The following HID1 variants were observed in gnomAD, a reference collection of about 807,000 sequenced individuals.
HID1 encodes HID1 domain containing.
In HID1, 42 loss-of-function variants were observed where a neutral mutation model predicts 89.7. The ratio of observed to expected loss-of-function variants is 0.47; its 90% CI spans 0.37 to 0.61. The LOEUF (loss-of-function observed/expected upper bound fraction) is 0.61. Ranked by LOEUF, HID1 falls within the 20% of genes least tolerant of loss-of-function variation. HID1 has a pLI of 0.00. For synonymous variants in HID1, 442 were observed against 433.8 expected, an observed-to-expected ratio of 1.02 and a Z score of -0.24; for missense variants, 854 against 1,039.3, an observed-to-expected ratio of 0.82 and a Z score of 2.45.
At chr17:74,964,122 G>T in intron 2 of HID1, 1 of 606,382 alleles carries the variant, frequency 1.6e-6, no homozygotes, top group Non-Finnish European at 2.9e-6. Context: ...GCAGCTTGGA[G>T]CATCAGGACA....
At chr17:74,960,744 T>A (rs1283775380) in intron 6 of HID1, among the ~76,000 whole-genome samples, 1 of 152,164 alleles carries the variant, frequency 6.6e-6, no homozygotes, top group Non-Finnish European at 1.5e-5. Context: ...GGCTCCCTTC[T>A]CTTCTGGAGT....
chr17:74,972,334 A>G lies in HID1; in HGVS notation c.66+257T>C, dbSNP rs2039661562. ...TGTCGCCGGCTCGGGGAGTAGGCAC[A>G]CGTCAGCCTAAGGTGGCAGCAGCGG... On this transcript the variant is annotated intron_variant, in intron 1 of 18. Coordinates refer to ENST00000425042, the MANE Select transcript of HID1 (RefSeq NM_030630.3). This position sits in a 1 kb window ranked among gnomAD's most constrained non-coding sequence, Gnocchi z 6.4. 6.6e-6 allele frequency among the ~76,000 whole-genome samples: 1 copy of G among 152,056 alleles called. No homozygotes were observed. Among genetic ancestry groups the G allele is most frequent in the Non-Finnish European group, 1.5e-5 (1 of 67,982 alleles).
At position 74,972,662 on chromosome 17, in the gene HID1, T is replaced by C; in HGVS notation, c.-6A>G. The C allele has an allele frequency of 2.6e-6, 4 of 1,540,682 alleles. No individual in the cohort carries two copies. Among genetic ancestry groups the C allele is most frequent in the Non-Finnish European group, 3.5e-6 (4 of 1,142,130 alleles). ...TTGGAGTCGGTCGACCCCATGTCTC[T>C]GGAGCCCGCTCCGGCCCGGCCCCCG... On this transcript the variant is annotated 5_prime_UTR_variant, in exon 1 of 19. Transcript: ENST00000425042. The surrounding 1 kb of genome is among the most constrained non-coding windows in gnomAD (Gnocchi z 6.4).
chr17:74,953,294 C>T (rs2039335315), intron 15 of HID1, among the ~76,000 whole-genome samples: 1 of 152,200 alleles, frequency 6.6e-6, no homozygotes, highest in African/African-American at 2.4e-5. Flanking sequence ...TAAAGGCCAG[C>T]TCAGATAAGG....
In HID1 at chr17:74,958,469, C is replaced by G; in HGVS notation, c.1250G>C (p.Gly417Ala). 1 of 1,594,258 alleles carries G rather than the reference C, an allele frequency of 6.3e-7. No homozygotes were observed. Among genetic ancestry groups the G allele is most frequent in the African/African-American group, 1.3e-5 (1 of 74,676 alleles). Residue 417 changes from glycine to alanine, a missense_variant, in exon 11 of 19, where the codon GGC becomes GCC. Physicochemically the swap from Gly to Ala is moderately conservative, Grantham distance 60. Coordinates refer to ENST00000425042, the MANE Select transcript of HID1 (RefSeq NM_030630.3). This position sits in a 1 kb window ranked among gnomAD's most constrained non-coding sequence, Gnocchi z 5.2. ...NDARADQSRV[G>A]LMHIGVFILL... ...GATGAAGACACCAATGTGCATCAGG[C>G]CCACCCGAGCTGCGGCAGGTGGCGT...
In HID1 at chr17:74,958,493, G is replaced by T; in HGVS notation, c.1241-15C>A. The T allele has an allele frequency of 6.3e-7, 1 of 1,582,748 alleles. No homozygotes were observed. The highest frequency in any genetic ancestry group is 8.6e-7 in the Non-Finnish European group (1 of 1,164,700). On this transcript the variant is annotated splice_polypyrimidine_tract_variant and intron_variant, in intron 10 of 18. Transcript: ENST00000425042. This position sits in a 1 kb window ranked among gnomAD's most constrained non-coding sequence, Gnocchi z 5.2. Reference sequence around the variant, plus strand: ...GCCCACCCGAGCTGCGGCAGGTGGCGTGGGAGGGGTCACTCGGGTGGGAGG... The same window carrying T: ...GCCCACCCGAGCTGCGGCAGGTGGCTTGGGAGGGGTCACTCGGGTGGGAGG...
intron 13 of HID1, 147 bp downstream of exon 13, chr17:74,955,641 CTCAA>C: frequency 1.5e-6 from 1 of 677,920 alleles, no homozygotes; most frequent in South Asian, 1.9e-5. Context: ...ACTGTAGATG[CTCAA>C]TAAATGTACA....
intron 1 of HID1, among the ~76,000 whole-genome samples, chr17:74,965,604 C>T (rs984363959): frequency 2.0e-5 from 3 of 152,184 alleles, no homozygotes; most frequent in Non-Finnish European, 4.4e-5. Flanking sequence ...TCCATTCCCA[C>T]GGAGGCAACA....
rs2039654418 is a variant in HID1 at position 74,972,001 on chromosome 17, C to A, written c.66+590G>T. On this transcript the variant is annotated intron_variant, in intron 1 of 18. Coordinates refer to ENST00000425042, the MANE Select transcript of HID1 (RefSeq NM_030630.3). The surrounding 1 kb of genome is among the most constrained non-coding windows in gnomAD (Gnocchi z 6.4). The stretch of plus-strand genomic sequence containing the variant: ...GTGCTCAGTAGGCCTGGGGACAGGG[C>A]CCCCCACCAGGCTGCCTCGCTGCCC... Among the ~76,000 whole-genome samples, 1 of 152,098 alleles carries A rather than the reference C, an allele frequency of 6.6e-6. No homozygotes were observed. The highest frequency in any genetic ancestry group is 1.5e-5 in the Non-Finnish European group (1 of 67,996).
At chr17:74,961,695 T>C (rs569978512) in intron 6 of HID1, 178 bp downstream of exon 6, 15 of 378,908 alleles carry the variant, frequency 4.0e-5, no homozygotes, top group East Asian at 3.5e-4. Context: ...GATTCTGTCC[T>C]GTCGAGGACT....
chr17:74,956,652 C>T (rs1456556522), intron 12 of HID1, among the ~76,000 whole-genome samples: 1 of 152,196 alleles, frequency 6.6e-6, no homozygotes, highest in African/African-American at 2.4e-5. Context: ...AGCTAGAGGC[C>T]TCTACCACCG....
In HID1 at chr17:74,958,611, A is replaced by G; in HGVS notation, c.1240+62T>C. ...TGAGCTCCTGGGAGTCAGGGCAGAT[A>G]GCCAGCCCTCCACCTCGCCGCCAGG... On this transcript the variant is annotated intron_variant, in intron 10 of 18. Transcript: ENST00000425042. The surrounding 1 kb of genome is among the most constrained non-coding windows in gnomAD (Gnocchi z 5.2). 6.3e-7 allele frequency: 1 copy of G among 1,586,668 alleles called. No homozygotes were observed. Among genetic ancestry groups the G allele is most frequent in the Non-Finnish European group, 8.6e-7 (1 of 1,156,684 alleles).
intron 1 of HID1, 103 bp from the exon 2 acceptor site, chr17:74,964,735 C>A (rs140769484): frequency 4.1e-6 from 5 of 1,233,516 alleles, no homozygotes; most frequent in Non-Finnish European, 3.4e-6. Flanking sequence ...AAGCCAGAGT[C>A]CCCCTACCTG....
In HID1 at chr17:74,953,554, C is replaced by A; in HGVS notation, c.1962G>T (p.Pro654=). ...AGTCCCCGTCACCCACCCCCTTAGC[C>A]GGGCTGCCATCCTCCAAGCTCTGCT... ...EPQQSLEDGS[P]AKGEPSQAWR... The change falls in exon 15 of 19, where the codon CCG becomes CCT. Residue 654 remains proline (P), a synonymous_variant. Coordinates refer to ENST00000425042, the MANE Select transcript of HID1 (RefSeq NM_030630.3). 2 of 1,613,756 alleles carry A rather than the reference C, an allele frequency of 1.2e-6. No individual in the cohort carries two copies. Among genetic ancestry groups the A allele is most frequent in the Non-Finnish European group, 1.7e-6 (2 of 1,179,836 alleles).
intron 1 of HID1, among the ~76,000 whole-genome samples, chr17:74,969,928 T>TC (rs1201449730): frequency 2.7e-5 from 4 of 145,650 alleles, no homozygotes; most frequent in East Asian, 4.0e-4. Context: ...TTTTCTTTTT[T>TC]TTTTTTTTTT....
At chr17:74,968,825 C>T (rs546467279) in intron 1 of HID1, among the ~76,000 whole-genome samples, 3 of 152,360 alleles carry the variant, frequency 2.0e-5, no homozygotes, top group South Asian at 2.1e-4. Flanking sequence ...TAAGCACAAG[C>T]AGGCATGACC....
chr17:74,952,445 C>A, intron 16 of HID1, 85 bp from the exon 17 acceptor site: 1 of 922,616 alleles, frequency 1.1e-6, no homozygotes, highest in Non-Finnish European at 1.8e-6. Context: ...GAACCACAGG[C>A]TCCCCAAGGC....
At chr17:74,967,243 A>C (rs1258704051) in intron 1 of HID1, among the ~76,000 whole-genome samples, 3 of 149,386 alleles carry the variant, frequency 2.0e-5, no homozygotes, top group Non-Finnish European at 4.4e-5. Context: ...TTTCAAAAAT[A>C]ATAATAATAA....
At chr17:74,954,945 A>G (rs2039366430) in intron 13 of HID1, 1 of 161,830 alleles carries the variant, frequency 6.2e-6, no homozygotes, top group Non-Finnish European at 1.4e-5. Flanking sequence ...AATTTGCCCG[A>G]CTTTGGAAAT....
Sources: allele counts gnomAD v4.1 joint callset (sites outside exome capture counted in the v4.1 genomes callset), GRCh38; gene constraint gnomAD v4.1.1; non-coding constraint Gnocchi (gnomAD v3.1); transcripts MANE v1.5; gene names NCBI Gene and HGNC (gene_info 2026-07-23, HGNC 2026-07-21).